Variants in RSPRY1 observed in about 807,000 individuals in gnomAD.
RSPRY1 encodes the protein ring finger and SPRY domain containing 1, also known as RING finger and SPRY domain-containing protein 1.
RSPRY1 carries 23 observed loss-of-function variants against 73.1 expected under a neutral mutation model. That is an observed-to-expected ratio of 0.31 (90% CI 0.23 to 0.45). The LOEUF is 0.45. Among genes scored for constraint, RSPRY1 ranks in the 20% least tolerant of loss-of-function variants. RSPRY1 has a pLI of 1.00. For missense variants in RSPRY1, 448 were observed against 698.7 expected (o/e 0.64, Z 4.05); for synonymous variants, 226 against 251.4 (o/e 0.90, Z 0.95).
Position 57,204,568 on chromosome 16 carries a change from C to CT in RSPRY1, c.-88dup. On this transcript the variant is annotated 5_prime_UTR_variant, in exon 2 of 15. It introduces an in-frame stop codon into an upstream open reading frame of the 5' UTR. Transcript: ENST00000394420. ...TGTTGGGAATAAGCTCTGCAACTTT[C>CT]TTTGGCATTCAGTTGTTAAAAACAA... The CT allele has an allele frequency of 1.7e-6, 2 of 1,146,732 alleles. No individual in the cohort carries two copies. The highest frequency in any genetic ancestry group is 2.5e-6 in the Non-Finnish European group (2 of 791,454). The allele number at this position is 1,146,732 out of a possible 1,614,324, so 71.0% of individuals were successfully genotyped here.
chr16:57,219,109 T>A (rs762199329), intron 8 of RSPRY1, among the ~76,000 whole-genome samples: 1 of 152,258 alleles, frequency 6.6e-6, no homozygotes, highest in Non-Finnish European at 1.5e-5. Flanking sequence ...TGAATAATGC[T>A]GCAATAAACA....
chr16:57,197,475 A>T (rs541883017), intron 1 of RSPRY1, among the ~76,000 whole-genome samples: 1 of 151,790 alleles, frequency 6.6e-6, no homozygotes, highest in African/African-American at 2.4e-5. Context: ...TCTTCTTTAC[A>T]CTTGGTTTTC....
At chr16:57,235,569 A>C (rs1371087558) in intron 14 of RSPRY1, among the ~76,000 whole-genome samples, 1 of 152,232 alleles carries the variant, frequency 6.6e-6, no homozygotes, top group African/African-American at 2.4e-5. Flanking sequence ...CCTCCATGTC[A>C]TCTTACTAAA....
chr16:57,239,003 T>A lies in RSPRY1; in HGVS notation c.*28T>A. On this transcript the variant is annotated 3_prime_UTR_variant, in exon 15 of 15. Transcript: ENST00000394420. ...CATGTGAAGAGGCATCGTGGACTTT[T>A]TTCTACTCAATTCCAGCCAATGTTG... The A allele has an allele frequency of 8.0e-7, 1 of 1,253,164 alleles. No homozygotes were observed. 77.6% of individuals were successfully genotyped at this position (1,253,164 alleles called of 1,614,324 possible). A position where few individuals can be genotyped will look rare whatever the true frequency, so the allele number is the denominator to read the frequency against.
Position 57,230,704 on chromosome 16 carries a change from C to A in RSPRY1, c.1274-7C>A, listed in dbSNP as rs775579081. On this transcript the variant is annotated splice_polypyrimidine_tract_variant and splice_region_variant and intron_variant, in intron 11 of 14. Transcript: ENST00000394420. ...TTATCCTAACAGTGTTTCTCTTTATCCTCTAGGAGATACAGTAGGATTTCT... is the reference window on the plus strand; with the variant it reads ...TTATCCTAACAGTGTTTCTCTTTATACTCTAGGAGATACAGTAGGATTTCT... 6.7e-7 allele frequency: 1 copy of A among 1,485,984 alleles called. No individual in the cohort carries two copies. The allele number at this position is 1,485,984 out of a possible 1,614,324, so 92.0% of individuals were successfully genotyped here. A position where few individuals can be genotyped will look rare whatever the true frequency, so the allele number is the denominator to read the frequency against.
chr16:57,191,581 C>G (rs1049185320), intron 1 of RSPRY1, among the ~76,000 whole-genome samples: 1 of 152,216 alleles, frequency 6.6e-6, no homozygotes, highest in Admixed American at 6.5e-5. Flanking sequence ...AAAATAATGT[C>G]AGTTTTCATC....
intron 1 of RSPRY1, among the ~76,000 whole-genome samples, chr16:57,202,878 T>TTATATATATATATATATATATA (rs55701001): frequency 1.1e-3 from 141 of 131,538 alleles, no homozygotes; most frequent in East Asian, 7.2e-3. Flanking sequence ...TTACATATGA[T>TTATATATATATATATATATATA]TATATATATA....
At chr16:57,201,949 GAA>G (rs1597871291) in intron 1 of RSPRY1, among the ~76,000 whole-genome samples, 1 of 152,268 alleles carries the variant, frequency 6.6e-6, no homozygotes, top group East Asian at 1.9e-4. Flanking sequence ...GGAGACCGTG[GAA>G]AGAGAGAGAG....
chr16:57,189,824 C>T (rs1172453550), intron 1 of RSPRY1, among the ~76,000 whole-genome samples: 1 of 151,538 alleles, frequency 6.6e-6, no homozygotes, highest in Non-Finnish European at 1.5e-5. Context: ...CTCCTGGGCA[C>T]AAGCCATCCA....
At chr16:57,187,873 A>G (rs2074271616) in intron 1 of RSPRY1, among the ~76,000 whole-genome samples, 2 of 152,120 alleles carry the variant, frequency 1.3e-5, no homozygotes, top group Non-Finnish European at 2.9e-5. Context: ...TGAACTTCTT[A>G]TGGTGCTGGC....
chr16:57,238,742 C>T (rs1023947142), intron 14 of RSPRY1, 137 bp from the exon 15 acceptor site: 1 of 520,482 alleles, frequency 1.9e-6, no homozygotes, highest in African/African-American at 2.0e-5. Context: ...TTTACATATT[C>T]ATTTTTTTTA....
At chr16:57,196,387 C>T (rs1267360359) in intron 1 of RSPRY1, among the ~76,000 whole-genome samples, 2 of 152,152 alleles carry the variant, frequency 1.3e-5, no homozygotes, top group South Asian at 2.1e-4. Flanking sequence ...TTCAGTTTGC[C>T]CCCTAGTTCA....
At chr16:57,232,222 G>C (rs2075234045) in intron 13 of RSPRY1, among the ~76,000 whole-genome samples, 1 of 151,948 alleles carries the variant, frequency 6.6e-6, no homozygotes, top group South Asian at 2.1e-4. Flanking sequence ...CTCTTGTTTT[G>C]GCTCAAAAAG....
intron 4 of RSPRY1, among the ~76,000 whole-genome samples, 172 bp downstream of exon 4, chr16:57,209,359 C>T (rs2074789947): frequency 6.6e-6 from 1 of 151,502 alleles, no homozygotes; most frequent in Non-Finnish European, 1.5e-5. Context: ...ATTATGTCCT[C>T]TTTTTTTTTC....
intron 4 of RSPRY1, 45 bp from the exon 5 acceptor site, chr16:57,212,927 C>T: frequency 6.3e-7 from 1 of 1,581,778 alleles, no homozygotes; most frequent in Non-Finnish European, 8.6e-7. Flanking sequence ...GGAAAACAAC[C>T]TGTGTAGTAT....
chr16:57,216,093 T>C lies in RSPRY1; in HGVS notation c.703-14T>C. 6.3e-7 allele frequency: 1 copy of C among 1,582,558 alleles called. No homozygotes were observed. On this transcript the variant is annotated splice_polypyrimidine_tract_variant and intron_variant, in intron 6 of 14. Transcript: ENST00000394420. ...GATTTTTTTTTTTTTTTTTTATCTTTTGTTGTTTTTCAGAAGTTACAGTCC... is the reference window on the plus strand; with the variant it reads ...GATTTTTTTTTTTTTTTTTTATCTTCTGTTGTTTTTCAGAAGTTACAGTCC...
chr16:57,238,949 A>C lies in RSPRY1; in HGVS notation c.1705A>C (p.Ile569Leu), dbSNP rs1249247256. ...GTGTCGTAAAGAAATAGTATCTAGAATCAGACAGATTTCTCATATTTCATG... is the reference window on the plus strand; with the variant it reads ...GTGTCGTAAAGAAATAGTATCTAGACTCAGACAGATTTCTCATATTTCATG... Reference protein sequence around the residue: ...PLCRKEIVSRIRQISHIS With the variant: ...PLCRKEIVSRLRQISHIS The change falls in exon 15 of 15, where the codon ATC (isoleucine) becomes CTC (leucine). Residue 569 changes from isoleucine to leucine, a missense_variant. Coordinates refer to ENST00000394420, the MANE Select transcript of RSPRY1 (RefSeq NM_133368.3). 6.2e-7 allele frequency: 1 copy of C among 1,606,136 alleles called. No homozygotes were observed. The highest frequency in any genetic ancestry group is 1.3e-5 in the African/African-American group (1 of 74,646).
chr16:57,208,400 A>ATATAT (rs1472775482), intron 3 of RSPRY1, among the ~76,000 whole-genome samples: 7 of 50,116 alleles, frequency 1.4e-4, no homozygotes, highest in Admixed American at 6.4e-4. Flanking sequence ...ATATATATAT[A>ATATAT]TTTTTTTTTT....
Position 57,231,241 on chromosome 16 carries a change from A to T in RSPRY1, c.1451A>T (p.Lys484Ile). The change falls in exon 13 of 15, where the codon AAA (lysine) becomes ATA (isoleucine). Residue 484 changes from lysine to isoleucine, a missense_variant. By Grantham distance (102) the Lys-to-Ile change is moderately radical. Transcript: ENST00000394420. ...TTCAATTTTGGAGCAAAACCATTCA[A>T]ATACCCACCATCTATGAAATTTAGC... ...CEFNFGAKPF[K>I]YPPSMKFSTF... 1 of 1,613,990 alleles carries T rather than the reference A, an allele frequency of 6.2e-7. No individual in the cohort carries two copies. Among genetic ancestry groups the T allele is most frequent in the Non-Finnish European group, 8.5e-7 (1 of 1,179,954 alleles).
Sources: allele counts gnomAD v4.1 joint callset (sites outside exome capture counted in the v4.1 genomes callset), GRCh38; gene constraint gnomAD v4.1.1; transcripts MANE v1.5; gene names NCBI Gene and HGNC (gene_info 2026-07-23, HGNC 2026-07-21).